PDE4D: variants seen among roughly 807,000 people sequenced by gnomAD.
PDE4D encodes phosphodiesterase 4D, also known as 3',5'-cyclic-AMP phosphodiesterase 4D.
Under a neutral mutation model 87.4 loss-of-function variants are expected in PDE4D, and 24 were observed. The ratio of observed to expected loss-of-function variants is 0.27; its 90% CI spans 0.20 to 0.39. The LOEUF is 0.39. Among genes scored for constraint, PDE4D ranks in the 10% least tolerant of loss-of-function variants. PDE4D has a pLI of 1.00. For missense variants in PDE4D, 714 were observed against 1,041.0 expected, an observed-to-expected ratio of 0.69 and a Z score of 4.32; for synonymous variants, 384 against 383.2, an observed-to-expected ratio of 1.00 and a Z score of -0.02.
At chr5:60,150,187 T>C (rs1781385416) in intron 2 of PDE4D, among the ~76,000 whole-genome samples, 1 of 151,686 alleles carries the variant, frequency 6.6e-6, no homozygotes, top group South Asian at 2.1e-4. Flanking sequence ...TAGTTCTATA[T>C]GGAAGGAAAT....
At chr5:59,233,437 A>C (rs1755675351) in intron 1 of PDE4D, among the ~76,000 whole-genome samples, 2 of 152,158 alleles carry the variant, frequency 1.3e-5, no homozygotes, top group African/African-American at 4.8e-5. Flanking sequence ...AATTCTAGAA[A>C]TATTTCACAA....
intron 1 of PDE4D, among the ~76,000 whole-genome samples, chr5:59,635,712 A>G (rs1328265591): frequency 6.6e-6 from 1 of 150,810 alleles, no homozygotes; most frequent in African/African-American, 2.4e-5. Context: ...AAAACACTCA[A>G]TAGGTATTGA....
chr5:59,381,481 CAT>C (rs1421207391), intron 1 of PDE4D, among the ~76,000 whole-genome samples: 2 of 139,284 alleles, frequency 1.4e-5, no homozygotes, highest in Non-Finnish European at 3.1e-5. Context: ...TTTTGAGAAA[CAT>C]ATATCTTTTT....
At chr5:60,517,712 C>T (rs971336171) in intron 1 of PDE4D, among the ~76,000 whole-genome samples, 3 of 152,330 alleles carry the variant, frequency 2.0e-5, no homozygotes, top group East Asian at 1.9e-4. Context: ...GAGCTACCCA[C>T]TTCAGGTCTC....
At chr5:59,836,378 T>TA (rs1322836085) in intron 1 of PDE4D, among the ~76,000 whole-genome samples, 1 of 152,056 alleles carries the variant, frequency 6.6e-6, no homozygotes, top group Non-Finnish European at 1.5e-5. Context: ...GAATTTACAA[T>TA]AATAAAATAG....
intron 6 of PDE4D, among the ~76,000 whole-genome samples, chr5:59,006,005 G>A (rs1363342781): frequency 6.6e-6 from 1 of 152,192 alleles, no homozygotes; most frequent in Non-Finnish European, 1.5e-5. Flanking sequence ...GAGGAAGCAG[G>A]TGCCCACAGG....
intron 1 of PDE4D, among the ~76,000 whole-genome samples, chr5:60,409,074 C>CA (rs1741820807): frequency 2.0e-5 from 3 of 151,298 alleles, no homozygotes; most frequent in East Asian, 1.9e-4. Context: ...AGTAGAAAGA[C>CA]AAAAAAATGT....
chr5:60,127,511 A>T (rs1383117523), intron 2 of PDE4D: 1 of 422,966 alleles, frequency 2.4e-6, no homozygotes, highest in Admixed American at 4.2e-5. Context: ...CCCGGGAAAG[A>T]TGAAGAGAGA....
At chr5:60,459,981 T>C in intron 1 of PDE4D, 1 of 827,250 alleles carries the variant, frequency 1.2e-6, no homozygotes, top group Non-Finnish European at 2.1e-6. Flanking sequence ...CATCTTCTTC[T>C]CATTCTGCTT....
chr5:59,264,259 G>C (rs927108733), intron 1 of PDE4D, among the ~76,000 whole-genome samples: 1 of 151,980 alleles, frequency 6.6e-6, no homozygotes, highest in Non-Finnish European at 1.5e-5. Flanking sequence ...ATTCCAGGCA[G>C]CTACTGCTAT....
chr5:59,780,131 A>G (rs1269927387), intron 1 of PDE4D, among the ~76,000 whole-genome samples: 1 of 152,194 alleles, frequency 6.6e-6, no homozygotes, highest in Non-Finnish European at 1.5e-5. Flanking sequence ...TGGGAGGCCA[A>G]GGCAGGTCGA....
chr5:60,478,692 T>A (rs551916025), intron 1 of PDE4D, among the ~76,000 whole-genome samples: 29 of 152,314 alleles, frequency 1.9e-4, no homozygotes, highest in African/African-American at 7.0e-4. Context: ...AGCTCTGCAC[T>A]AAAGCATAAA....
In PDE4D at chr5:58,970,001, TAA is replaced by T. The variant is rs1033458930; in HGVS notation, c.*4661_*4662del. The T allele has an allele frequency of 2.2e-4, 33 of 152,284 alleles. No individual in the cohort carries two copies. The highest frequency in any genetic ancestry group is 7.5e-4 in the African/African-American group (31 of 41,564). The allele number at this position is 152,284 out of a possible 1,614,324, so 9.4% of individuals were successfully genotyped here. A position where few individuals can be genotyped will look rare whatever the true frequency, so the allele number is the denominator to read the frequency against. On this transcript the variant is annotated 3_prime_UTR_variant, in exon 15 of 15. Coordinates refer to ENST00000340635, the MANE Select transcript of PDE4D (RefSeq NM_001104631.2). ...TTCATTTCAACCACGTTCAGTATCC[TAA>T]GAGACATGCTGATTGAACTATAATT...
At chr5:60,256,671 A>AGG (rs1331397764) in intron 1 of PDE4D, among the ~76,000 whole-genome samples, 4 of 151,948 alleles carry the variant, frequency 2.6e-5, no homozygotes, top group Admixed American at 6.6e-5. Flanking sequence ...CATACCCAAG[A>AGG]GGATTTGTAA....
intron 1 of PDE4D, among the ~76,000 whole-genome samples, chr5:59,426,791 T>TA (rs113359251): frequency 1.4e-4 from 21 of 151,218 alleles, no homozygotes; most frequent in East Asian, 3.9e-4. Flanking sequence ...CCATTTTGAT[T>TA]AAAAAAAAAT....
intron 1 of PDE4D, among the ~76,000 whole-genome samples, chr5:59,357,158 G>A (rs1781514003): frequency 6.6e-6 from 1 of 152,046 alleles, no homozygotes; most frequent in African/African-American, 2.4e-5. Context: ...TGATTAAACA[G>A]CATAGTCACA....
chr5:60,348,133 C>T (rs528188722), intron 1 of PDE4D, among the ~76,000 whole-genome samples: 4 of 152,148 alleles, frequency 2.6e-5, no homozygotes, highest in Admixed American at 2.6e-4. Flanking sequence ...TTGATACTGT[C>T]CCTTGGCCAT....
At chr5:59,410,172 TCCTCCCCACTAC>T (rs1474720255) in intron 1 of PDE4D, among the ~76,000 whole-genome samples, 3 of 152,160 alleles carry the variant, frequency 2.0e-5, no homozygotes, top group Non-Finnish European at 4.4e-5. Flanking sequence ...ATCTTATTCT[TCCTCCCCACTAC>T]CCTTCCCACT....
chr5:59,061,735 G>T (rs780493585), intron 5 of PDE4D, among the ~76,000 whole-genome samples: 2 of 152,104 alleles, frequency 1.3e-5, no homozygotes, highest in Non-Finnish European at 2.9e-5. Flanking sequence ...AGAGGGATAG[G>T]CATGCTCAAA....
Sources: gnomAD v4.1 joint callset for allele counts (sites outside exome capture counted in the v4.1 genomes callset) on GRCh38, gnomAD v4.1.1 for gene constraint, MANE v1.5 for transcripts, NCBI Gene and HGNC (gene_info 2026-07-23, HGNC 2026-07-21) for gene names.